The following RNF144B variants were observed in gnomAD, a reference collection of about 807,000 sequenced individuals.
RNF144B encodes ring finger protein 144B.
A neutral mutation model predicts 40.2 loss-of-function variants in RNF144B; 25 were observed. That is an observed-to-expected ratio of 0.62 (90% CI 0.45 to 0.87). The LOEUF is 0.87. Ranked by LOEUF, RNF144B falls within the 40% of genes least tolerant of loss-of-function variation. RNF144B has a pLI of 0.00. For synonymous variants in RNF144B, 145 were observed against 136.3 expected (o/e 1.06, Z -0.44); for missense variants, 365 against 373.7 (o/e 0.98, Z 0.19).
Position 18,465,430 on chromosome 6 carries a change from A to C in RNF144B, c.*363A>C, listed in dbSNP as rs567978582. On this transcript the variant is annotated 3_prime_UTR_variant, in exon 8 of 8. Transcript: ENST00000259939. Reference sequence around the variant, plus strand: ...AACAAATGTGTTGTCATTGTTGGCAACATACAAGATAACCAAGAAGCTGGA... The same window carrying C: ...AACAAATGTGTTGTCATTGTTGGCACCATACAAGATAACCAAGAAGCTGGA... 1 of 200,454 alleles carries C rather than the reference A, an allele frequency of 5.0e-6. No homozygotes were observed. The highest frequency in any genetic ancestry group is 5.5e-5 in the Admixed American group (1 of 18,304). 12.4% of individuals were successfully genotyped at this position (200,454 alleles called of 1,614,324 possible).
chr6:18,407,656 A>C (rs970386032), intron 2 of RNF144B, among the ~76,000 whole-genome samples: 3 of 152,236 alleles, frequency 2.0e-5, no homozygotes, highest in African/African-American at 7.2e-5. Context: ...TATTAGCGTT[A>C]CTTCCACTCT....
At position 18,459,834 on chromosome 6, in the gene RNF144B, A is replaced by T; in HGVS notation, c.681+83A>T. ...TGATATCCTACAGATTTTCCTTTAA[A>T]ATATTGGGGCAATTTTTGTCCTGCA... On this transcript the variant is annotated intron_variant, in intron 6 of 7. Transcript: ENST00000259939. This position sits in a 1 kb window ranked among gnomAD's most constrained non-coding sequence, Gnocchi z 4.2. 7.6e-7 allele frequency: 1 copy of T among 1,310,828 alleles called. No homozygotes were observed. The highest frequency in any genetic ancestry group is 1.0e-6 in the Non-Finnish European group (1 of 963,328). The allele number at this position is 1,310,828 out of a possible 1,614,324, so 81.2% of individuals were successfully genotyped here.
chr6:18,409,561 C>CTTTTT (rs70974741), intron 2 of RNF144B, among the ~76,000 whole-genome samples: 43,760 of 91,800 alleles, frequency 0.48, 11,819 homozygotes, highest in Non-Finnish European at 0.62. Context: ...CTTGCATAAC[C>CTTTTT]TTTTTTTTTT....
At chr6:18,435,304 G>A (rs574686) in intron 3 of RNF144B, among the ~76,000 whole-genome samples, 146,503 of 152,256 alleles carry the variant, frequency 0.96, 70,740 homozygotes, top group East Asian at 1. Flanking sequence ...ATATACCTAG[G>A]GAGCTTTGCT....
intron 2 of RNF144B, among the ~76,000 whole-genome samples, chr6:18,417,124 C>T (rs981323967): frequency 6.6e-6 from 1 of 152,016 alleles, no homozygotes; most frequent in African/African-American, 2.4e-5. Context: ...TAAAAGATAT[C>T]CCATCTTCAT....
rs1241710213 is a variant in RNF144B at position 18,439,666 on chromosome 6, T to C, written c.271-18T>C. 1.9e-6 allele frequency: 3 copies of C among 1,601,468 alleles called. No homozygotes were observed. Among genetic ancestry groups the C allele is most frequent in the Non-Finnish European group, 2.6e-6 (3 of 1,168,686 alleles). The stretch of plus-strand genomic sequence containing the variant: ...CTATGATGACTGAAGTCTCAACCTT[T>C]TATGTCTCTGGTTTCAGATTGCCTG... On this transcript the variant is annotated intron_variant, in intron 3 of 7. Coordinates refer to ENST00000259939, the MANE Select transcript of RNF144B (RefSeq NM_182757.4).
intron 2 of RNF144B, among the ~76,000 whole-genome samples, chr6:18,404,537 T>C (rs1052408502): frequency 3.3e-5 from 5 of 152,234 alleles, no homozygotes; most frequent in Non-Finnish European, 5.9e-5. Flanking sequence ...ACTGGCTTCC[T>C]CACTAGCCTT....
chr6:18,431,537 G>T (rs1758696868), intron 3 of RNF144B, among the ~76,000 whole-genome samples: 1 of 152,082 alleles, frequency 6.6e-6, no homozygotes, highest in Non-Finnish European at 1.5e-5. Flanking sequence ...ACCACAATGG[G>T]GTTCATTCAC....
chr6:18,412,598 G>A lies in RNF144B; in HGVS notation c.165+12899G>A, dbSNP rs1795069960. On this transcript the variant is annotated intron_variant, in intron 2 of 7. Transcript: ENST00000259939. The surrounding 1 kb of genome is among the most constrained non-coding windows in gnomAD (Gnocchi z 4.2). The stretch of plus-strand genomic sequence containing the variant: ...TCCAGTGACAAAATGTTACTAAGTA[G>A]GTAAAGGAGGTTTAAAAAATTTAGG... Among the ~76,000 whole-genome samples, 2 of 152,044 alleles carry A rather than the reference G, an allele frequency of 1.3e-5. No homozygotes were observed.
chr6:18,392,570 C>T (rs1794606328), intron 1 of RNF144B, among the ~76,000 whole-genome samples: 1 of 151,842 alleles, frequency 6.6e-6, no homozygotes, highest in South Asian at 2.1e-4. Flanking sequence ...CATTGCCATC[C>T]TAGAAACTGT....
chr6:18,433,858 C>A (rs1319811496), intron 3 of RNF144B, among the ~76,000 whole-genome samples: 1 of 152,126 alleles, frequency 6.6e-6, no homozygotes, highest in Admixed American at 6.6e-5. Context: ...GAGCAGCTCT[C>A]GTTCTCTGCG....
chr6:18,389,129 C>A (rs1312898937), intron 1 of RNF144B, among the ~76,000 whole-genome samples: 1 of 152,156 alleles, frequency 6.6e-6, no homozygotes, highest in Admixed American at 6.5e-5. Flanking sequence ...TATTTACAGT[C>A]ATCTATGCCA....
In RNF144B at chr6:18,422,165, A is replaced by T. The variant is rs1758441786; in HGVS notation, c.166-5416A>T. Among the ~76,000 whole-genome samples, 1 of 152,206 alleles carries T rather than the reference A, an allele frequency of 6.6e-6. No individual in the cohort carries two copies. Among genetic ancestry groups the T allele is most frequent in the South Asian group, 2.1e-4 (1 of 4,832 alleles). On this transcript the variant is annotated intron_variant, in intron 2 of 7. Transcript: ENST00000259939. This position sits in a 1 kb window ranked among gnomAD's most constrained non-coding sequence, Gnocchi z 4.7. ...TTTGTCTGAATATTTTCAAACCAGG[A>T]TGCTTTTGGTGTGTTGGATAGGCTT...
intron 1 of RNF144B, among the ~76,000 whole-genome samples, chr6:18,387,855 A>G (rs2113445913): frequency 6.6e-6 from 1 of 152,324 alleles, no homozygotes; most frequent in African/African-American, 2.4e-5. Context: ...ATTTCTAATA[A>G]AACAGTTTCT....
At chr6:18,389,791 A>G (rs773196765) in intron 1 of RNF144B, among the ~76,000 whole-genome samples, 4 of 152,136 alleles carry the variant, frequency 2.6e-5, no homozygotes, top group Non-Finnish European at 5.9e-5. Flanking sequence ...TTTCACTTGG[A>G]CTTTGGGGAA....
At position 18,446,223 on chromosome 6, in the gene RNF144B, A is replaced by G. The variant is rs1269744845; in HGVS notation, c.331+6479A>G. ...ATGTGTATAATCTGTTACATGAGGT[A>G]TATAAGACAAAACTATTCTCTTAAT... On this transcript the variant is annotated intron_variant, in intron 4 of 7. Coordinates refer to ENST00000259939, the MANE Select transcript of RNF144B (RefSeq NM_182757.4). The surrounding 1 kb of genome is among the most constrained non-coding windows in gnomAD (Gnocchi z 4.7). Among the ~76,000 whole-genome samples, 1 of 152,236 alleles carries G rather than the reference A, an allele frequency of 6.6e-6. No individual in the cohort carries two copies. The highest frequency in any genetic ancestry group is 2.4e-5 in the African/African-American group (1 of 41,470).
chr6:18,420,824 T>C (rs900149142), intron 2 of RNF144B, among the ~76,000 whole-genome samples: 1 of 152,178 alleles, frequency 6.6e-6, no homozygotes, highest in Non-Finnish European at 1.5e-5. Context: ...CAAACTATTT[T>C]AAAATTTCCT....
rs1057489133 is a variant in RNF144B at position 18,450,384 on chromosome 6, G to A, written c.332-6771G>A. Among the ~76,000 whole-genome samples the A allele has an allele frequency of 1.6e-4, 25 of 151,920 alleles. No individual in the cohort carries two copies. The East Asian group carries it at 3.5e-3, about 21-fold the overall frequency. On this transcript the variant is annotated intron_variant, in intron 4 of 7. Transcript: ENST00000259939. This position sits in a 1 kb window ranked among gnomAD's most constrained non-coding sequence, Gnocchi z 4.7. ...AATATTTCAGCTTACTGCGATCTCC[G>A]CCTCCCGGGTTCAAGTGATTCTCCT...
chr6:18,413,286 C>A (rs1358512761), intron 2 of RNF144B, among the ~76,000 whole-genome samples: 3 of 152,134 alleles, frequency 2.0e-5, no homozygotes. Flanking sequence ...TAAAGCTTGA[C>A]AATAGCCTAT....
Sources: gnomAD v4.1 joint callset for allele counts (sites outside exome capture counted in the v4.1 genomes callset) on GRCh38, gnomAD v4.1.1 for gene constraint, Gnocchi (gnomAD v3.1) non-coding constraint, MANE v1.5 for transcripts, NCBI Gene and HGNC (gene_info 2026-07-23, HGNC 2026-07-21) for gene names.